PRKG1: variants seen among roughly 807,000 people sequenced by gnomAD.
PRKG1 encodes the protein cGMP-dependent protein kinase 1.
PRKG1 carries 35 observed loss-of-function variants against 88.1 expected under a neutral mutation model. The observed-to-expected ratio is 0.40, with a 90% CI of 0.30 to 0.53. The LOEUF is 0.53. Among genes scored for constraint, PRKG1 ranks in the 20% least tolerant of loss-of-function variants. The probability of loss-of-function intolerance (pLI) is 0.59; values close to 1 mark genes in which losing one functional copy is unlikely to be tolerated. For missense variants in PRKG1, 540 were observed against 839.8 expected (o/e 0.64, Z 4.41); for synonymous variants, 303 against 292.5 (o/e 1.04, Z -0.37).
rs554603393 is a variant in PRKG1, at chr10:51,222,184, C to G, written c.478+68854C>G. On this transcript the variant is annotated intron_variant, in intron 2 of 17. Coordinates refer to ENST00000373980, the MANE Select transcript of PRKG1 (RefSeq NM_006258.4). ...TACAGGCATGAGCCACCGCGCCCAG[C>G]CTGTTTCATATTTTTCTATGGAAAA... is the stretch of plus-strand genomic sequence containing the variant. 2.2e-3 allele frequency among the ~76,000 whole-genome samples: 326 copies of G among 151,016 alleles called. 1 individual carries two copies. Among genetic ancestry groups the G allele is most frequent in the Non-Finnish European group, 3.8e-3 (260 of 67,694 alleles).
intron 1 of PRKG1, among the ~76,000 whole-genome samples, chr10:51,067,449 A>G (rs546693637): frequency 6.6e-6 from 1 of 152,176 alleles, no homozygotes; most frequent in African/African-American, 2.4e-5. Context: ...GGAAACTGGA[A>G]AATGAAAGTA....
At chr10:51,940,151 C>T (rs1842875826) in intron 5 of PRKG1, among the ~76,000 whole-genome samples, 1 of 151,802 alleles carries the variant, frequency 6.6e-6, no homozygotes, top group Admixed American at 6.6e-5. Context: ...CTTTGCAAGA[C>T]AGGTATACCA....
chr10:51,163,562 G>C (rs554796750), intron 2 of PRKG1, among the ~76,000 whole-genome samples: 6 of 152,172 alleles, frequency 3.9e-5, no homozygotes, highest in Admixed American at 3.9e-4. Context: ...CCGCGCACCC[G>C]CACCATGTGC....
intron 2 of PRKG1, among the ~76,000 whole-genome samples, chr10:51,416,843 C>T (rs950044501): frequency 3.9e-5 from 6 of 152,120 alleles, no homozygotes; most frequent in East Asian, 1.9e-4. Flanking sequence ...GCTTTGTGCA[C>T]GGATGTGACT....
intron 2 of PRKG1, among the ~76,000 whole-genome samples, chr10:51,359,706 C>T (rs1842438618): frequency 6.6e-6 from 1 of 151,416 alleles, no homozygotes; most frequent in African/African-American, 2.4e-5. Context: ...TCATATGGCT[C>T]AATTAGAACT....
Position 51,183,952 on chromosome 10 carries a change from A to G in PRKG1, c.478+30622A>G, listed in dbSNP as rs1299153965. Among the ~76,000 whole-genome samples the G allele has an allele frequency of 2.0e-5, 3 of 152,272 alleles. No homozygotes were observed. In the South Asian group the frequency reaches 6.2e-4, roughly 32 times the overall value. On this transcript the variant is annotated intron_variant, in intron 2 of 17. Transcript: ENST00000373980. ...CAGTCTTAGCAGTCTTCACTGAGCCAGTTTCAACCTCATTATCTTTTCCAC... is the reference window on the plus strand; with the variant it reads ...CAGTCTTAGCAGTCTTCACTGAGCCGGTTTCAACCTCATTATCTTTTCCAC...
rs1187046446 is a variant in PRKG1 at position 50,991,540 on chromosome 10, C to G, written c.162C>G (p.Ile54Met). The G allele has an allele frequency of 1.9e-6, 3 of 1,610,134 alleles. No homozygotes were observed. The highest frequency in any genetic ancestry group is 2.5e-6 in the Non-Finnish European group (3 of 1,178,598). ...TGCTCCCAGTGCCCTCGACCCACAT[C>G]GGCCCCCGGACCACCCGGGCGCAGG... Residue 54 changes from isoleucine to methionine, a missense_variant, in exon 1 of 18, where the codon ATC becomes ATG. Coordinates refer to the PRKG1 transcript ENST00000401604. The surrounding 1 kb of genome is among the most constrained non-coding windows in gnomAD (Gnocchi z 4.5).
intron 3 of PRKG1, among the ~76,000 whole-genome samples, chr10:51,783,624 C>T (rs1838653007): frequency 6.6e-6 from 1 of 152,038 alleles, no homozygotes; most frequent in African/African-American, 2.4e-5. Context: ...AAGCAGCATT[C>T]ATCAACACCA....
At position 52,178,724 on chromosome 10, in the gene PRKG1, A is replaced by G. The variant is rs577974568; in HGVS notation, c.1076+16761A>G. 2.6e-5 allele frequency among the ~76,000 whole-genome samples: 4 copies of G among 152,184 alleles called. No homozygotes were observed. In the South Asian group the frequency reaches 8.3e-4, roughly 32 times the overall value. ...ACAGTTATATTATTTTCCTGAATTG[A>G]TACCTTTATTATTATATAATGTCCT... is the stretch of plus-strand genomic sequence containing the variant. On this transcript the variant is annotated intron_variant, in intron 9 of 17. Coordinates refer to ENST00000373980, the MANE Select transcript of PRKG1 (RefSeq NM_006258.4).
At chr10:51,325,948 T>C (rs1340540258) in intron 2 of PRKG1, among the ~76,000 whole-genome samples, 1 of 152,194 alleles carries the variant, frequency 6.6e-6, no homozygotes, top group Non-Finnish European at 1.5e-5. Context: ...TTTTTGGTTT[T>C]AGAAAAGAGA....
At chr10:51,724,356 C>T (rs1039861162) in intron 3 of PRKG1, among the ~76,000 whole-genome samples, 9 of 152,230 alleles carry the variant, frequency 5.9e-5, no homozygotes, top group African/African-American at 2.2e-4. Context: ...AGGGATTTGA[C>T]TTTGGAAGAA....
intron 2 of PRKG1, among the ~76,000 whole-genome samples, chr10:51,437,719 A>G (rs1326948707): frequency 3.3e-5 from 5 of 151,702 alleles, no homozygotes; most frequent in African/African-American, 4.8e-5. Context: ...ACCCAAAGCC[A>G]TATTTTAATG....
intron 7 of PRKG1, among the ~76,000 whole-genome samples, chr10:52,112,362 A>G (rs1313144274): frequency 7.9e-5 from 12 of 152,072 alleles, no homozygotes; most frequent in Non-Finnish European, 1.5e-5. Flanking sequence ...GGAGATAGGC[A>G]TCTGTAGCAT....
intron 9 of PRKG1, among the ~76,000 whole-genome samples, chr10:52,166,793 A>ATATATATATATATATATG (rs1489545159): frequency 1.2e-4 from 1 of 8,386 alleles, no homozygotes; most frequent in African/African-American, 1.7e-4. Context: ...AAGCCTATAT[A>ATATATATATATATATATG]TATACATATA....
intron 7 of PRKG1, among the ~76,000 whole-genome samples, chr10:52,103,025 G>T (rs189811138): frequency 8.2e-4 from 125 of 152,326 alleles, no homozygotes; most frequent in African/African-American, 2.7e-3. Flanking sequence ...TGTCAGATCA[G>T]AGATGGCATT....
At chr10:52,078,737 C>T (rs1009518684) in intron 7 of PRKG1, among the ~76,000 whole-genome samples, 5 of 152,216 alleles carry the variant, frequency 3.3e-5, no homozygotes, top group East Asian at 1.9e-4. Context: ...TGAGTCATTA[C>T]GAACTGGAAT....
intron 3 of PRKG1, among the ~76,000 whole-genome samples, chr10:51,662,562 A>C (rs1389663201): frequency 6.6e-6 from 1 of 152,128 alleles, no homozygotes. Flanking sequence ...CAGTTACTGT[A>C]CTAGTCCTTG....
intron 5 of PRKG1, chr10:51,908,256 A>C (rs745915909): frequency 1.3e-5 from 2 of 152,252 alleles, no homozygotes; most frequent in Non-Finnish European, 2.9e-5. Flanking sequence ...TGCTGAGGAA[A>C]TAGAGATACA....
At chr10:52,115,977 G>A (rs181850354) in intron 7 of PRKG1, among the ~76,000 whole-genome samples, 6 of 152,096 alleles carry the variant, frequency 3.9e-5, no homozygotes, top group Admixed American at 6.6e-5. Flanking sequence ...CAGTAGTCTC[G>A]GAGAGCTCCA....
Sources: allele counts gnomAD v4.1 joint callset (sites outside exome capture counted in the v4.1 genomes callset), GRCh38; gene constraint gnomAD v4.1.1; non-coding constraint Gnocchi (gnomAD v3.1); transcripts MANE v1.5; gene names NCBI Gene and HGNC (gene_info 2026-07-23, HGNC 2026-07-21).